The following NEK1 variants were observed in gnomAD, a reference collection of about 807,000 sequenced individuals.
NEK1 encodes the protein serine/threonine-protein kinase Nek1.
In NEK1, 137 loss-of-function variants were observed where a neutral mutation model predicts 182.1. The observed-to-expected ratio is 0.75, with a 90% CI of 0.65 to 0.87. The LOEUF is 0.87. NEK1 is among the 40% of genes least tolerant of loss of function. The pLI, the probability that NEK1 is intolerant of heterozygous loss-of-function variation, is 0.00. For synonymous variants in NEK1, 513 were observed against 492.2 expected (o/e 1.04, Z -0.56); for missense variants, 1,391 against 1,494.4 (o/e 0.93, Z 1.14).
intron 27 of NEK1, among the ~76,000 whole-genome samples, chr4:169,454,761 G>C (rs942502710): frequency 6.6e-6 from 1 of 152,208 alleles, no homozygotes; most frequent in Admixed American, 6.5e-5. Context: ...CATTGTGGAA[G>C]ACAGTGTGGC....
At chr4:169,582,757 C>G (rs1388784397) in intron 10 of NEK1, among the ~76,000 whole-genome samples, 1 of 152,104 alleles carries the variant, frequency 6.6e-6, no homozygotes, top group Non-Finnish European at 1.5e-5. Flanking sequence ...CCACATGCGC[C>G]TATTTGAATT....
At chr4:169,443,793 A>G (rs1739986119) in intron 27 of NEK1, among the ~76,000 whole-genome samples, 1 of 152,188 alleles carries the variant, frequency 6.6e-6, no homozygotes, top group Non-Finnish European at 1.5e-5. Flanking sequence ...CAAATTACAT[A>G]TAAGGGCACC....
chr4:169,506,505 AGCACTTTGGGAGG>A (rs1753272433), intron 23 of NEK1: 1 of 152,206 alleles, frequency 6.6e-6, no homozygotes, highest in Non-Finnish European at 1.5e-5. Context: ...CTGTAATCCT[AGCACTTTGGGAGG>A]CTGAGGCGGG....
intron 2 of NEK1, among the ~76,000 whole-genome samples, chr4:169,603,503 C>T (rs1186134285): frequency 6.6e-6 from 1 of 152,002 alleles, no homozygotes; most frequent in Non-Finnish European, 1.5e-5. Context: ...TGTGAATAAC[C>T]ATAGTACATA....
At chr4:169,457,035 CAG>C (rs776974113) in intron 27 of NEK1, among the ~76,000 whole-genome samples, 1 of 151,886 alleles carries the variant, frequency 6.6e-6, no homozygotes, top group Non-Finnish European at 1.5e-5. Context: ...ATAAAGAGAG[CAG>C]AATGGTAGTT....
intron 2 of NEK1, among the ~76,000 whole-genome samples, chr4:169,610,684 A>T (rs1343451322): frequency 1.3e-5 from 2 of 152,192 alleles, no homozygotes; most frequent in African/African-American, 4.8e-5. Flanking sequence ...ACATATAAAC[A>T]ATTTTAGAGT....
chr4:169,416,551 A>G (rs781276368), intron 31 of NEK1, among the ~76,000 whole-genome samples: 5 of 152,242 alleles, frequency 3.3e-5, no homozygotes, highest in Non-Finnish European at 5.9e-5. Context: ...CAATCCTCAC[A>G]TTAGGTATCA....
At chr4:169,484,060 G>A (rs1748609775) in intron 23 of NEK1, among the ~76,000 whole-genome samples, 1 of 152,088 alleles carries the variant, frequency 6.6e-6, no homozygotes, top group South Asian at 2.1e-4. Flanking sequence ...GTTCTGAATA[G>A]TAGCAGTATT....
At chr4:169,484,057 AT>A (rs1314868531) in intron 23 of NEK1, among the ~76,000 whole-genome samples, 1 of 152,182 alleles carries the variant, frequency 6.6e-6, no homozygotes, top group African/African-American at 2.4e-5. Flanking sequence ...GTTGTTCTGA[AT>A]AGTAGCAGTA....
At chr4:169,594,068 T>G (rs1230934361) in intron 5 of NEK1, among the ~76,000 whole-genome samples, 3 of 152,166 alleles carry the variant, frequency 2.0e-5, no homozygotes, top group Non-Finnish European at 4.4e-5. Flanking sequence ...ATATTAATAT[T>G]TACAAAATAC....
chr4:169,558,703 A>C (rs1762490739), intron 16 of NEK1, among the ~76,000 whole-genome samples: 2 of 152,174 alleles, frequency 1.3e-5, no homozygotes, highest in South Asian at 4.1e-4. Flanking sequence ...GGAATATATA[A>C]TTTTTCTAAA....
intron 23 of NEK1, among the ~76,000 whole-genome samples, chr4:169,480,436 T>A (rs1747765557): frequency 6.6e-6 from 1 of 151,608 alleles, no homozygotes; most frequent in Non-Finnish European, 1.5e-5. Context: ...TTTACACGAT[T>A]CTGTAGCCTA....
chr4:169,419,110 C>T (rs903622831), intron 31 of NEK1, among the ~76,000 whole-genome samples: 7 of 152,016 alleles, frequency 4.6e-5, no homozygotes, highest in African/African-American at 1.4e-4. Context: ...CCTTACTCCC[C>T]AAAACCCTTA....
At chr4:169,418,748 C>T (rs547626663) in intron 31 of NEK1, among the ~76,000 whole-genome samples, 3 of 152,022 alleles carry the variant, frequency 2.0e-5, no homozygotes, top group South Asian at 4.2e-4. Context: ...CTTAGTGACC[C>T]GTGGAATGGT....
At chr4:169,477,387 T>A in intron 25 of NEK1, 35 bp from the exon 26 acceptor site, 1 of 1,552,752 alleles carries the variant, frequency 6.4e-7, no homozygotes. Flanking sequence ...TTAATATGTA[T>A]ATCATTAAGT....
chr4:169,480,885 A>G (rs776563107), intron 23 of NEK1, among the ~76,000 whole-genome samples: 6 of 152,094 alleles, frequency 3.9e-5, no homozygotes, highest in Admixed American at 1.3e-4. Flanking sequence ...GCCCATGAAA[A>G]TATTTATCTG....
chr4:169,444,878 C>G (rs932681493), intron 27 of NEK1, among the ~76,000 whole-genome samples: 1 of 152,098 alleles, frequency 6.6e-6, no homozygotes. Flanking sequence ...CAAATTAAAA[C>G]GTAACTACTT....
At chr4:169,568,558 T>C (rs1467722311) in intron 12 of NEK1, among the ~76,000 whole-genome samples, 1 of 152,076 alleles carries the variant, frequency 6.6e-6, no homozygotes, top group Non-Finnish European at 1.5e-5. Context: ...AAAGTATATA[T>C]AACACTAAGT....
intron 29 of NEK1, among the ~76,000 whole-genome samples, chr4:169,429,823 C>T (rs1042983830): frequency 9.9e-5 from 15 of 152,214 alleles, no homozygotes; most frequent in African/African-American, 3.1e-4. Context: ...CCATTTTTCC[C>T]TTGGACTTCT....
Sources: allele counts gnomAD v4.1 joint callset (sites outside exome capture counted in the v4.1 genomes callset), GRCh38; gene constraint gnomAD v4.1.1; transcripts MANE v1.5; gene names NCBI Gene and HGNC (gene_info 2026-07-23, HGNC 2026-07-21).